PTPN12: variants seen among roughly 807,000 people sequenced by gnomAD.
The protein encoded by PTPN12 is tyrosine-protein phosphatase non-receptor type 12.
A neutral mutation model predicts 97.6 loss-of-function variants in PTPN12; 29 were observed. That is an observed-to-expected ratio of 0.30 (90% CI 0.22 to 0.41). PTPN12 has a LOEUF of 0.41. Among genes scored for constraint, PTPN12 ranks in the 10% least tolerant of loss-of-function variants. PTPN12 has a pLI of 1.00. For synonymous variants in PTPN12, 327 were observed against 300.4 expected, an observed-to-expected ratio of 1.09 and a Z score of -0.91; for missense variants, 819 against 926.0, an observed-to-expected ratio of 0.88 and a Z score of 1.50.
intron 13 of PTPN12, among the ~76,000 whole-genome samples, chr7:77,630,426 A>G (rs1226396062): frequency 6.6e-6 from 1 of 152,200 alleles, no homozygotes; most frequent in African/African-American, 2.4e-5. Flanking sequence ...ATTTACACAA[A>G]CCTAGATGGT....
Position 77,609,215 on chromosome 7 carries a change from G to A in PTPN12, c.763-1550G>A, listed in dbSNP as rs142123115. 3.5e-4 allele frequency among the ~76,000 whole-genome samples: 52 copies of A among 150,684 alleles called. No individual in the cohort carries two copies. The East Asian group carries it at 9.3e-3, about 27-fold the overall frequency. ...AAACTGGGTGACAGAGCAAGACTCC[G>A]TCTCAAAAAATAAAATAAAATAAAA... On this transcript the variant is annotated intron_variant, in intron 9 of 17. Transcript: ENST00000248594.
At chr7:77,573,719 T>G (rs1014174715) in intron 2 of PTPN12, among the ~76,000 whole-genome samples, 1 of 152,232 alleles carries the variant, frequency 6.6e-6, no homozygotes. Context: ...ACTTTCTTTT[T>G]CTGTCGTCTA....
chr7:77,553,389 G>A (rs150766721), intron 1 of PTPN12, among the ~76,000 whole-genome samples: 13 of 152,254 alleles, frequency 8.5e-5, no homozygotes, highest in African/African-American at 2.6e-4. Flanking sequence ...AGAGGAGTAC[G>A]GAAGTCTTCA....
chr7:77,626,447 G>A (rs1421493829), intron 12 of PTPN12, among the ~76,000 whole-genome samples: 3 of 152,206 alleles, frequency 2.0e-5, no homozygotes, highest in African/African-American at 7.2e-5. Context: ...AAAAAATGTT[G>A]AAAGTTGATG....
chr7:77,638,858 G>T (rs1789700653), intron 17 of PTPN12, 127 bp downstream of exon 17: 1 of 1,353,632 alleles, frequency 7.4e-7, no homozygotes, highest in Non-Finnish European at 9.6e-7. Context: ...GCTTGGACTA[G>T]TCATGAAATA....
chr7:77,585,509 G>A (rs772286696), intron 4 of PTPN12, 34 bp from the exon 5 acceptor site: 73 of 1,575,672 alleles, frequency 4.6e-5, no homozygotes, highest in Non-Finnish European at 5.5e-5. Context: ...TAACTGATAC[G>A]TTCTTTATCT....
intron 1 of PTPN12, among the ~76,000 whole-genome samples, chr7:77,565,047 C>T (rs1808202964): frequency 4.6e-5 from 7 of 152,148 alleles, no homozygotes; most frequent in Middle Eastern, 3.4e-3. Flanking sequence ...TGAGCCACCG[C>T]ACCCAGCTGA....
At chr7:77,563,900 A>G in intron 1 of PTPN12, 1 of 432,940 alleles carries the variant, frequency 2.3e-6, no homozygotes, top group South Asian at 1.7e-5. Flanking sequence ...TATAACCATT[A>G]TCGTTAGTGA....
chr7:77,554,291 G>A (rs1807604237), intron 1 of PTPN12, among the ~76,000 whole-genome samples: 1 of 152,174 alleles, frequency 6.6e-6, no homozygotes, highest in Non-Finnish European at 1.5e-5. Context: ...TTAAGTGGTT[G>A]CTCTGGCATT....
At chr7:77,563,140 T>C (rs1808076496) in intron 1 of PTPN12, among the ~76,000 whole-genome samples, 1 of 152,168 alleles carries the variant, frequency 6.6e-6, no homozygotes, top group Non-Finnish European at 1.5e-5. Flanking sequence ...ATTGGAGAGA[T>C]CTCCTTCGCT....
chr7:77,620,914 C>T (rs933591742), intron 12 of PTPN12, among the ~76,000 whole-genome samples: 6 of 152,070 alleles, frequency 3.9e-5, no homozygotes, highest in African/African-American at 9.6e-5. Context: ...TGCCACTGCA[C>T]TCCAGCCTGG....
chr7:77,584,030 A>C (rs1787605822), intron 4 of PTPN12, among the ~76,000 whole-genome samples: 1 of 152,218 alleles, frequency 6.6e-6, no homozygotes, highest in Non-Finnish European at 1.5e-5. Context: ...CTATAAATAG[A>C]CTATAAATAT....
chr7:77,598,052 A>G, intron 7 of PTPN12, 151 bp downstream of exon 7: 1 of 1,069,014 alleles, frequency 9.4e-7, no homozygotes, highest in Non-Finnish European at 1.2e-6. Context: ...ACATAGTGAG[A>G]TCTTGTGTCT....
chr7:77,559,720 G>A (rs191040243), intron 1 of PTPN12, among the ~76,000 whole-genome samples: 93 of 152,274 alleles, frequency 6.1e-4, no homozygotes, highest in African/African-American at 2.2e-3. Context: ...AAAATAGGGT[G>A]CCAATTCACT....
chr7:77,547,500 A>G (rs1279611717), intron 1 of PTPN12, among the ~76,000 whole-genome samples: 1 of 152,204 alleles, frequency 6.6e-6, no homozygotes, highest in Non-Finnish European at 1.5e-5. Context: ...TAGGAGCTAT[A>G]CAGTCATTAA....
chr7:77,547,102 A>G (rs1354120827), intron 1 of PTPN12, among the ~76,000 whole-genome samples: 1 of 152,214 alleles, frequency 6.6e-6, no homozygotes, highest in African/African-American at 2.4e-5. Flanking sequence ...GACTGTCCTG[A>G]TAGGCTCTGA....
chr7:77,582,782 T>TG (rs1379780298), intron 3 of PTPN12, among the ~76,000 whole-genome samples: 25 of 106,956 alleles, frequency 2.3e-4, no homozygotes, highest in Non-Finnish European at 4.2e-4. Context: ...AGACTCCGTC[T>TG]CAAAAAAAAA....
At chr7:77,575,930 C>T (rs1012448771) in intron 2 of PTPN12, among the ~76,000 whole-genome samples, 2 of 152,170 alleles carry the variant, frequency 1.3e-5, no homozygotes, top group Admixed American at 6.5e-5. Context: ...CGGCTCACTG[C>T]GACCTCCGCC....
intron 8 of PTPN12, among the ~76,000 whole-genome samples, chr7:77,604,553 G>A (rs890018442): frequency 1.3e-5 from 2 of 151,890 alleles, no homozygotes; most frequent in Non-Finnish European, 2.9e-5. Context: ...ATATATTGAG[G>A]ACATTAACTT....
Sources: gnomAD v4.1 joint callset for allele counts (sites outside exome capture counted in the v4.1 genomes callset) on GRCh38, gnomAD v4.1.1 for gene constraint, MANE v1.5 for transcripts, NCBI Gene and HGNC (gene_info 2026-07-23, HGNC 2026-07-21) for gene names.